PLEKHG4B: variants seen among roughly 807,000 people sequenced by gnomAD.
The protein encoded by PLEKHG4B is pleckstrin homology and RhoGEF domain containing G4B, also known as pleckstrin homology domain-containing family G member 4B.
PLEKHG4B carries 111 observed loss-of-function variants against 121.3 expected under a neutral mutation model. The ratio of observed to expected loss-of-function variants is 0.92; its 90% CI spans 0.78 to 1.07. The LOEUF (loss-of-function observed/expected upper bound fraction) is 1.07. PLEKHG4B is among the 50% of genes least tolerant of loss of function. PLEKHG4B has a pLI of 0.00. For synonymous variants in PLEKHG4B, 738 were observed against 725.0 expected (o/e 1.02, Z -0.29); for missense variants, 1,831 against 1,757.8 (o/e 1.04, Z -0.74).
In PLEKHG4B at chr5:105,755, C is replaced by T. The variant is rs575834454; in HGVS notation, c.46-7496C>T. ...TGAGAAGCTGTACATCTAATTAAGC[C>T]GACACATTTTGAGGACTTTTTTTTT... On this transcript the variant is annotated intron_variant, in intron 1 of 19. Coordinates refer to ENST00000637938, the MANE Select transcript of PLEKHG4B (RefSeq NM_052909.5). Among the ~76,000 whole-genome samples the T allele has an allele frequency of 2.6e-5, 4 of 152,282 alleles. 1 individual carries two copies. The highest frequency in any genetic ancestry group is 9.6e-5 in the African/African-American group (4 of 41,544).
chr5:161,725 T>C (rs1336062640), intron 11 of PLEKHG4B, 58 bp from the exon 12 acceptor site: 1 of 1,611,306 alleles, frequency 6.2e-7, no homozygotes, highest in African/African-American at 1.3e-5. Context: ...AGCCCACACC[T>C]GGAGACATGA....
chr5:173,127 G>A (rs1469360469), intron 17 of PLEKHG4B, 60 bp downstream of exon 17: 14 of 1,547,772 alleles, frequency 9.0e-6, no homozygotes, highest in African/African-American at 1.4e-5. Context: ...GGGGGTCTCG[G>A]ACCCTTGTCT....
At position 140,325 on chromosome 5, in the gene PLEKHG4B, C is replaced by T; in HGVS notation, c.1086C>T (p.Asn362=). 5 of 1,520,422 alleles carry T rather than the reference C, an allele frequency of 3.3e-6. No homozygotes were observed. The South Asian group carries it at 6.4e-5, about 20-fold the overall frequency. 94.2% of individuals were successfully genotyped at this position (1,520,422 alleles called of 1,614,324 possible). Reference sequence around the variant, plus strand: ...AGTCGTACATGGAAGCCTTGCGGAACCCCATGCCCCTGGGCAGCTCTGAGG... The same window carrying T: ...AGTCGTACATGGAAGCCTTGCGGAATCCCATGCCCCTGGGCAGCTCTGAGG... ...FRESYMEALR[N]PMPLGSSEEA... Residue 362 remains asparagine (N), a synonymous_variant, in exon 3 of 20, where the codon AAC becomes AAT. Transcript: ENST00000637938.
chr5:144,224 A>G (rs1238289179), intron 5 of PLEKHG4B: 3 of 152,498 alleles, frequency 2.0e-5, no homozygotes, highest in African/African-American at 7.2e-5. Flanking sequence ...TAAAATGAAT[A>G]TATCAACTCA....
intron 1 of PLEKHG4B, among the ~76,000 whole-genome samples, chr5:102,314 C>A (rs1733845569): frequency 6.8e-6 from 1 of 147,560 alleles, no homozygotes; most frequent in African/African-American, 2.5e-5. Context: ...TATAATTAAG[C>A]TTTTTTTTTT....
At chr5:105,817 G>C (rs1422300367) in intron 1 of PLEKHG4B, among the ~76,000 whole-genome samples, 1 of 152,108 alleles carries the variant, frequency 6.6e-6, no homozygotes, top group Non-Finnish European at 1.5e-5. Context: ...AAGCAGGAAA[G>C]AATGGTTGTT....
At chr5:102,489 T>G (rs983520049) in intron 1 of PLEKHG4B, among the ~76,000 whole-genome samples, 6 of 152,150 alleles carry the variant, frequency 3.9e-5, no homozygotes, top group Non-Finnish European at 7.3e-5. Flanking sequence ...GGGTAAACAC[T>G]GCAACCGCCA....
intron 7 of PLEKHG4B, among the ~76,000 whole-genome samples, chr5:153,572 G>A (rs6860740): frequency 4.6e-5 from 7 of 152,104 alleles, no homozygotes; most frequent in Admixed American, 1.3e-4. Context: ...CACAGCTGCC[G>A]CCTTCTGGGA....
intron 18 of PLEKHG4B, among the ~76,000 whole-genome samples, chr5:175,304 A>C (rs1736723373): frequency 6.7e-6 from 1 of 149,166 alleles, no homozygotes; most frequent in Non-Finnish European, 1.5e-5. Context: ...CTCAATGTCC[A>C]CCCTCGTTTG....
rs893913095 is a variant in PLEKHG4B, at chr5:157,579, G to A, written c.2487+668G>A. The stretch of plus-strand genomic sequence containing the variant: ...TGCAGAATCTGGGGTCCATATAGCA[G>A]TGGCTCTGAAATGATTGCTTAGCTC... On this transcript the variant is annotated intron_variant, in intron 11 of 19. Transcript: ENST00000637938. The surrounding 1 kb of genome is among the most constrained non-coding windows in gnomAD (Gnocchi z 4.6). Among the ~76,000 whole-genome samples the A allele has an allele frequency of 3.9e-5, 6 of 152,106 alleles. No homozygotes were observed. Among genetic ancestry groups the A allele is most frequent in the African/African-American group, 7.2e-5 (3 of 41,416 alleles).
chr5:180,672 G>T (rs1057002804), intron 18 of PLEKHG4B, among the ~76,000 whole-genome samples: 1 of 152,198 alleles, frequency 6.6e-6, no homozygotes, highest in Non-Finnish European at 1.5e-5. Flanking sequence ...ACCCACTGCA[G>T]CCAGAGCAGG....
chr5:180,215 G>C (rs954040389), intron 18 of PLEKHG4B, among the ~76,000 whole-genome samples: 1 of 152,200 alleles, frequency 6.6e-6, no homozygotes, highest in African/African-American at 2.4e-5. Context: ...TTTGTTGGAA[G>C]AGCAGGGGTG....
At chr5:158,959 ATC>A (rs1204536520) in intron 11 of PLEKHG4B, among the ~76,000 whole-genome samples, 1 of 152,148 alleles carries the variant, frequency 6.6e-6, no homozygotes, top group East Asian at 1.9e-4. Context: ...ATCTAAAAGC[ATC>A]TCTACTCCAC....
At position 139,887 on chromosome 5, in the gene PLEKHG4B, T is replaced by G; in HGVS notation, c.648T>G (p.Gly216=). Residue 216 remains glycine (G), a synonymous_variant, in exon 3 of 20, where the codon GGT becomes GGG. Coordinates refer to ENST00000637938, the MANE Select transcript of PLEKHG4B (RefSeq NM_052909.5). The surrounding 1 kb of genome is among the most constrained non-coding windows in gnomAD (Gnocchi z 5.0). The stretch of plus-strand genomic sequence containing the variant: ...TGCAGAGCTACTCCAGCTGCACAGG[T>G]CCTGAGCGGCTGCCCAGCAGCCCCT... ...AILQSYSSCT[G]PERLPSSPSE... The G allele has an allele frequency of 2.5e-6, 1 of 402,458 alleles. No homozygotes were observed. The highest frequency in any genetic ancestry group is 3.6e-5 in the East Asian group (1 of 28,034). The allele number at this position is 402,458 out of a possible 1,614,324, so 24.9% of individuals were successfully genotyped here.
rs1468617713 is a variant in PLEKHG4B, at chr5:151,615, G to T, written c.1992+16G>T. 1 of 1,506,824 alleles carries T rather than the reference G, an allele frequency of 6.6e-7. No homozygotes were observed. Among genetic ancestry groups the T allele is most frequent in the Admixed American group, 1.8e-5 (1 of 56,390 alleles). 93.3% of individuals were successfully genotyped at this position (1,506,824 alleles called of 1,614,324 possible). ...AATAATTCAGGTAATGGTTTAGACT[G>T]TGGGATCCTGAGTGATGGATAAAAT... is the stretch of plus-strand genomic sequence containing the variant. On this transcript the variant is annotated intron_variant, in intron 7 of 19. Coordinates refer to ENST00000637938, the MANE Select transcript of PLEKHG4B (RefSeq NM_052909.5).
chr5:184,961 C>T lies in PLEKHG4B; in HGVS notation c.*2638C>T, dbSNP rs908188581. 3.9e-5 allele frequency: 6 copies of T among 152,212 alleles called. No homozygotes were observed. Among genetic ancestry groups the T allele is most frequent in the African/African-American group, 1.4e-4 (6 of 41,444 alleles). The allele number at this position is 152,212 out of a possible 1,614,324, so 9.4% of individuals were successfully genotyped here. A position where few individuals can be genotyped will look rare whatever the true frequency, so the allele number is the denominator to read the frequency against. Reference sequence around the variant, plus strand: ...CAGGTAAACTGTGTGACCACAGCAGCGTGATGGCTGGGAGACGCTGGATGT... The same window carrying T: ...CAGGTAAACTGTGTGACCACAGCAGTGTGATGGCTGGGAGACGCTGGATGT... On this transcript the variant is annotated 3_prime_UTR_variant, in exon 20 of 20. Transcript: ENST00000637938.
At chr5:176,376 G>A (rs1736761655) in intron 18 of PLEKHG4B, among the ~76,000 whole-genome samples, 1 of 152,224 alleles carries the variant, frequency 6.6e-6, no homozygotes, top group Non-Finnish European at 1.5e-5. Context: ...CAAGCACCTG[G>A]AGCCTGCAGG....
At chr5:160,743 A>C (rs1735971214) in intron 11 of PLEKHG4B, among the ~76,000 whole-genome samples, 2 of 152,062 alleles carry the variant, frequency 1.3e-5, no homozygotes, top group South Asian at 4.1e-4. Flanking sequence ...TTATGACTTG[A>C]ATTTTTGTAT....
At chr5:158,688 C>T (rs190326087) in intron 11 of PLEKHG4B, among the ~76,000 whole-genome samples, 1 of 150,588 alleles carries the variant, frequency 6.6e-6, no homozygotes, top group Non-Finnish European at 1.5e-5. Flanking sequence ...CCCTTCCTCC[C>T]TCTGCCTGTC....
Sources: gnomAD v4.1 joint callset for allele counts (sites outside exome capture counted in the v4.1 genomes callset) on GRCh38, gnomAD v4.1.1 for gene constraint, Gnocchi (gnomAD v3.1) non-coding constraint, MANE v1.5 for transcripts, NCBI Gene and HGNC (gene_info 2026-07-23, HGNC 2026-07-21) for gene names.